The following COL22A1 variants were observed in gnomAD, a reference collection of about 807,000 sequenced individuals.
COL22A1 encodes collagen type XXII alpha 1 chain.
COL22A1 carries 221 observed loss-of-function variants against 248.9 expected under a neutral mutation model. That is an observed-to-expected ratio of 0.89 (90% CI 0.80 to 0.99). The LOEUF (loss-of-function observed/expected upper bound fraction) is 0.99, where lower values mean the gene tolerates loss of function less well. Among genes scored for constraint, COL22A1 ranks in the 50% least tolerant of loss-of-function variants. The pLI, the probability that COL22A1 is intolerant of heterozygous loss-of-function variation, is 0.00. For missense variants in COL22A1, 2,240 were observed against 2,179.0 expected (o/e 1.03, Z -0.56); for synonymous variants, 891 against 793.4 (o/e 1.12, Z -2.07).
chr8:138,743,772 G>T lies in COL22A1; in HGVS notation c.2086-6195C>A, dbSNP rs13256550. Among the ~76,000 whole-genome samples the T allele has an allele frequency of 7.3e-3, 1,112 of 152,274 alleles. 5 individuals carry two copies. The highest frequency in any genetic ancestry group is 0.011 in the Non-Finnish European group (738 of 68,010). ...GTGTTTGTAATTTATCAAGAGGGCA[G>T]ATTTTTCAAGCCATTCTGAATGCCA... On this transcript the variant is annotated intron_variant, in intron 22 of 64. Coordinates refer to ENST00000303045, the MANE Select transcript of COL22A1 (RefSeq NM_152888.3).
chr8:138,628,406 G>A (rs1820425155), intron 50 of COL22A1, among the ~76,000 whole-genome samples: 1 of 152,166 alleles, frequency 6.6e-6, no homozygotes, highest in African/African-American at 2.4e-5. Flanking sequence ...GGCCCACATG[G>A]TGAAACCCCA....
intron 63 of COL22A1, among the ~76,000 whole-genome samples, chr8:138,593,014 A>T (rs956000314): frequency 6.6e-6 from 1 of 152,166 alleles, no homozygotes; most frequent in South Asian, 2.1e-4. Context: ...TGGCACATAT[A>T]CACCATGGAA....
At chr8:138,611,641 C>T (rs990923333) in intron 56 of COL22A1, among the ~76,000 whole-genome samples, 1 of 152,238 alleles carries the variant, frequency 6.6e-6, no homozygotes, top group African/African-American at 2.4e-5. Context: ...TTGACACACA[C>T]TCTTTGACAC....
In COL22A1 at chr8:138,594,085, G is replaced by C. The variant is rs200310171; in HGVS notation, c.4547C>G (p.Pro1516Arg). The C allele has an allele frequency of 6.3e-7, 1 of 1,586,738 alleles. No homozygotes were observed. ...GKDGLPGRAG[P>R]MGEPGRPGQG... ...CCCAGGACGACCTGGCTCCCCCATG[G>C]GGCCGGCCCGGCCTGGAAGCCCATC... The change falls in exon 63 of 65, where the codon CCC becomes CGC. Residue 1516 changes from proline (P) to arginine (R), a missense_variant. Transcript: ENST00000303045.
intron 2 of COL22A1, among the ~76,000 whole-genome samples, chr8:138,879,690 C>CAAAAAAAAAAAA (rs372214665): frequency 1.0e-5 from 1 of 99,044 alleles, no homozygotes; most frequent in Non-Finnish European, 1.8e-5. Flanking sequence ...GACACTCTCT[C>CAAAAAAAAAAAA]AAAAAAAAAA....
At chr8:138,797,060 C>T (rs2131606408) in intron 11 of COL22A1, among the ~76,000 whole-genome samples, 1 of 152,228 alleles carries the variant, frequency 6.6e-6, no homozygotes, top group Non-Finnish European at 1.5e-5. Flanking sequence ...TCCAATAACT[C>T]AATATTATAG....
Position 138,660,960 on chromosome 8 carries a change from A to G in COL22A1, c.3241-480T>C, listed in dbSNP as rs1328285332. 3.5e-4 allele frequency among the ~76,000 whole-genome samples: 26 copies of G among 74,188 alleles called. No homozygotes were observed. In the East Asian group the frequency reaches 7.8e-3, roughly 22 times the overall value. The allele number at this position is 74,188 out of a possible 152,430, so 48.7% of individuals were successfully genotyped here. On this transcript the variant is annotated intron_variant, in intron 43 of 64. Coordinates refer to ENST00000303045, the MANE Select transcript of COL22A1 (RefSeq NM_152888.3). ...GACACACACATAAACACACAGACAC[A>G]CACGCACACACACATACACACACAC...
intron 23 of COL22A1, 83 bp from the exon 24 acceptor site, chr8:138,725,523 G>A: frequency 8.9e-7 from 1 of 1,128,418 alleles, no homozygotes; most frequent in Non-Finnish European, 1.3e-6. Context: ...AGAGGCAAAG[G>A]GAAGGGGACA....
chr8:138,785,081 G>A (rs1329375318), intron 12 of COL22A1, among the ~76,000 whole-genome samples: 1 of 152,196 alleles, frequency 6.6e-6, no homozygotes, highest in African/African-American at 2.4e-5. Flanking sequence ...CTACATGGCA[G>A]AGTGAGGCAG....
At chr8:138,619,209 T>C (rs1819563522) in intron 53 of COL22A1, among the ~76,000 whole-genome samples, 1 of 152,224 alleles carries the variant, frequency 6.6e-6, no homozygotes, top group Non-Finnish European at 1.5e-5. Context: ...GAAATTATAA[T>C]GAATCAGATG....
At chr8:138,649,560 C>G in intron 46 of COL22A1, 105 bp downstream of exon 46, 1 of 1,520,812 alleles carries the variant, frequency 6.6e-7, no homozygotes, top group Non-Finnish European at 8.8e-7. Context: ...ATCTTGAACC[C>G]CTCAAACCCT....
At chr8:138,802,801 G>T in intron 11 of COL22A1, 71 bp downstream of exon 11, 2 of 1,194,678 alleles carry the variant, frequency 1.7e-6, no homozygotes, top group Non-Finnish European at 1.3e-6. Flanking sequence ...TGATTTGCAT[G>T]ATCGGAGGGC....
intron 44 of COL22A1, among the ~76,000 whole-genome samples, chr8:138,659,252 GT>G (rs1251687432): frequency 2.0e-5 from 3 of 152,186 alleles, no homozygotes; most frequent in Non-Finnish European, 2.9e-5. Flanking sequence ...TCAGTGAGAA[GT>G]TTCAGGACCC....
At chr8:138,887,949 TGCTTGTTTC>T (rs1364682517) in intron 1 of COL22A1, among the ~76,000 whole-genome samples, 1 of 152,248 alleles carries the variant, frequency 6.6e-6, no homozygotes, top group Non-Finnish European at 1.5e-5. Context: ...GAGGCATTGT[TGCTTGTTTC>T]CCATGCATTT....
chr8:138,669,732 C>T (rs1366865616), intron 41 of COL22A1, among the ~76,000 whole-genome samples: 1 of 152,124 alleles, frequency 6.6e-6, no homozygotes, highest in Non-Finnish European at 1.5e-5. Flanking sequence ...GCATGTCAAG[C>T]CAAGTGCCCA....
chr8:138,653,281 C>T (rs1338590143), intron 45 of COL22A1, among the ~76,000 whole-genome samples: 1 of 152,194 alleles, frequency 6.6e-6, no homozygotes, highest in Admixed American at 6.5e-5. Context: ...GCCTTCATCT[C>T]CGAATCTCTA....
At chr8:138,612,815 A>AAT (rs953086880) in intron 56 of COL22A1, among the ~76,000 whole-genome samples, 14 of 152,034 alleles carry the variant, frequency 9.2e-5, no homozygotes, top group Admixed American at 8.5e-4. Context: ...ACGCACCTGT[A>AAT]ATCCCAGCTA....
At chr8:138,647,582 T>C (rs1822318811) in intron 46 of COL22A1, among the ~76,000 whole-genome samples, 1 of 152,238 alleles carries the variant, frequency 6.6e-6, no homozygotes. Flanking sequence ...GCATGTTCTT[T>C]ATAGTTACTT....
At chr8:138,840,490 T>C (rs558456815) in intron 4 of COL22A1, among the ~76,000 whole-genome samples, 1 of 151,986 alleles carries the variant, frequency 6.6e-6, no homozygotes, top group South Asian at 2.1e-4. Flanking sequence ...ACATATGTCG[T>C]AGACTAAGAA....
Sources: allele counts gnomAD v4.1 joint callset (sites outside exome capture counted in the v4.1 genomes callset), GRCh38; gene constraint gnomAD v4.1.1; transcripts MANE v1.5; gene names NCBI Gene and HGNC (gene_info 2026-07-23, HGNC 2026-07-21).